LMBR1: variants seen among roughly 807,000 people sequenced by gnomAD.
LMBR1 encodes the protein limb development membrane protein 1, also known as limb region 1 protein homolog.
LMBR1 carries 52 observed loss-of-function variants against 73.9 expected under a neutral mutation model. That is an observed-to-expected ratio of 0.70 (90% confidence interval 0.56 to 0.89). The LOEUF is 0.89. Among genes scored for constraint, LMBR1 ranks in the 40% least tolerant of loss-of-function variants. The pLI is 0.00. For synonymous variants in LMBR1, 215 were observed against 209.4 expected, an observed-to-expected ratio of 1.03 and a Z score of -0.23; for missense variants, 539 against 579.8, an observed-to-expected ratio of 0.93 and a Z score of 0.72.
chr7:156,743,912 C>T (rs185989742), intron 9 of LMBR1, among the ~76,000 whole-genome samples: 4 of 152,218 alleles, frequency 2.6e-5, no homozygotes, highest in East Asian at 3.9e-4. Context: ...GATCTTGCTG[C>T]GACAGTTTTA....
intron 1 of LMBR1, among the ~76,000 whole-genome samples, chr7:156,860,098 T>C (rs538021492): frequency 1.3e-5 from 2 of 152,318 alleles, no homozygotes; most frequent in South Asian, 2.1e-4. Context: ...AATCAAGACA[T>C]AGACCCTATG....
At chr7:156,703,488 G>C (rs577639202) in intron 15 of LMBR1, among the ~76,000 whole-genome samples, 78 of 152,298 alleles carry the variant, frequency 5.1e-4, no homozygotes, top group African/African-American at 1.8e-3. Flanking sequence ...GGACTGACTA[G>C]ATACCTGGGT....
intron 15 of LMBR1, among the ~76,000 whole-genome samples, chr7:156,698,038 C>G (rs1478205396): frequency 6.6e-6 from 1 of 152,196 alleles, no homozygotes; most frequent in African/African-American, 2.4e-5. Flanking sequence ...TGGGTAAATA[C>G]AGCCATTCCA....
intron 15 of LMBR1, among the ~76,000 whole-genome samples, chr7:156,696,297 T>G (rs1410072225): frequency 1.3e-5 from 2 of 152,174 alleles, no homozygotes; most frequent in African/African-American, 4.8e-5. Context: ...GAAGAAATAT[T>G]TACACGTCAT....
At chr7:156,788,809 T>C (rs1585798181) in intron 5 of LMBR1, among the ~76,000 whole-genome samples, 2 of 152,064 alleles carry the variant, frequency 1.3e-5, no homozygotes, top group African/African-American at 2.4e-5. Flanking sequence ...GCACTTTGGG[T>C]GGCCAAGGCA....
At chr7:156,837,318 AGAGT>A (rs2133928463) in intron 1 of LMBR1, among the ~76,000 whole-genome samples, 1 of 150,364 alleles carries the variant, frequency 6.7e-6, no homozygotes, top group African/African-American at 2.4e-5. Context: ...CTGGGCAACA[AGAGT>A]GAGACTCCAT....
At chr7:156,688,538 A>G (rs991814956) in intron 15 of LMBR1, among the ~76,000 whole-genome samples, 3 of 151,994 alleles carry the variant, frequency 2.0e-5, no homozygotes, top group African/African-American at 7.3e-5. Context: ...CTCTACCGAG[A>G]CAGGACGGCT....
intron 9 of LMBR1, among the ~76,000 whole-genome samples, chr7:156,739,859 G>A (rs920500181): frequency 1.5e-4 from 23 of 152,014 alleles, no homozygotes; most frequent in Admixed American, 8.5e-4. Flanking sequence ...ATCCACAAGC[G>A]TCAAGACCAT....
At chr7:156,674,228 G>A (rs1055643257), downstream of LMBR1, among the ~76,000 whole-genome samples, 4 of 152,174 alleles carry the variant, frequency 2.6e-5, no homozygotes, top group African/African-American at 9.7e-5. Flanking sequence ...TGGGGCTCGG[G>A]AACTGTCTCC....
intron 4 of LMBR1, among the ~76,000 whole-genome samples, chr7:156,802,672 G>C (rs1433848719): frequency 6.6e-6 from 1 of 152,032 alleles, no homozygotes; most frequent in Non-Finnish European, 1.5e-5. Flanking sequence ...TTTGTCATGA[G>C]AATGCACCAA....
intron 9 of LMBR1, chr7:156,736,600 G>C: frequency 2.2e-6 from 1 of 456,880 alleles, no homozygotes; most frequent in South Asian, 1.5e-5. Flanking sequence ...TGGATTTCCC[G>C]CACAAAGCAT....
intron 4 of LMBR1, among the ~76,000 whole-genome samples, chr7:156,825,439 C>CA (rs1835505962): frequency 6.6e-6 from 1 of 152,100 alleles, no homozygotes. Flanking sequence ...AACATAATTA[C>CA]AAAATCTTAA....
intron 13 of LMBR1, 66 bp downstream of exon 13, chr7:156,725,698 T>C (rs2132390600): frequency 7.0e-7 from 1 of 1,434,884 alleles, no homozygotes; most frequent in South Asian, 1.2e-5. Flanking sequence ...AGTAAATAAC[T>C]ACTGCCCCAG....
At chr7:156,689,765 C>T (rs1412471924) in intron 15 of LMBR1, among the ~76,000 whole-genome samples, 3 of 152,118 alleles carry the variant, frequency 2.0e-5, no homozygotes, top group African/African-American at 7.2e-5. Flanking sequence ...GAGATGATGA[C>T]AACAATCTTG....
intron 15 of LMBR1, among the ~76,000 whole-genome samples, chr7:156,697,082 A>G (rs1290123153): frequency 6.6e-6 from 1 of 152,210 alleles, no homozygotes; most frequent in East Asian, 1.9e-4. Flanking sequence ...GAGGAATTTT[A>G]TAGCTGGGCC....
At position 156,680,403 on chromosome 7, in the gene LMBR1, A is replaced by AGAGAGAGAGAGAGAGTGTGTGTGTGTGT. The variant is rs1343950098; in HGVS notation, c.*3674_*3675insACACACACACACACTCTCTCTCTCTCTC. 19 of 125,168 alleles carry AGAGAGAGAGAGAGAGTGTGTGTGTGTGT rather than the reference A, an allele frequency of 1.5e-4. No homozygotes were observed. The highest frequency in any genetic ancestry group is 5.8e-4 in the African/African-American group (19 of 32,668). 7.8% of individuals were successfully genotyped at this position (125,168 alleles called of 1,614,324 possible). A position where few individuals can be genotyped will look rare whatever the true frequency, so the allele number is the denominator to read the frequency against. On this transcript the variant is annotated 3_prime_UTR_variant, in exon 17 of 17. Coordinates refer to ENST00000353442, the MANE Select transcript of LMBR1 (RefSeq NM_022458.4). ...GAGAGAGAGAGAGAGAGAGAGAGAGAGTGTGTGTGTGTGTGTGTGTGTAAT... is the reference window on the plus strand; with the variant it reads ...GAGAGAGAGAGAGAGAGAGAGAGAGAGAGAGAGAGAGAGAGTGTGTGTGTGTGTGTGTGTGTGTGTGTGTGTGTGTAAT...
At position 156,882,649 on chromosome 7, in the gene LMBR1, C is replaced by T. The variant is rs139850044; in HGVS notation, c.66+10279G>A. 1.7e-4 allele frequency among the ~76,000 whole-genome samples: 26 copies of T among 152,300 alleles called. No homozygotes were observed. In the South Asian group the frequency reaches 5.2e-3, roughly 30 times the overall value. ...AAATTGAAAGTTACTAATCAATGGG[C>T]ATAAAGCTTCAGTCAAGCAAAATGA... On this transcript the variant is annotated intron_variant, in intron 1 of 16. Coordinates refer to ENST00000353442, the MANE Select transcript of LMBR1 (RefSeq NM_022458.4).
At chr7:156,727,903 A>C (rs372254489) in intron 12 of LMBR1, 27 bp downstream of exon 12, 9 of 1,551,920 alleles carry the variant, frequency 5.8e-6, no homozygotes, top group African/African-American at 1.4e-5. Context: ...TTGCAAAAGA[A>C]AGACATTTTA....
intron 1 of LMBR1, among the ~76,000 whole-genome samples, chr7:156,856,705 C>T (rs1396879610): frequency 7.0e-6 from 1 of 143,276 alleles, no homozygotes; most frequent in Admixed American, 7.0e-5. Flanking sequence ...GACTCCATCT[C>T]AAACAAAAAA....
Sources: gnomAD v4.1 joint callset for allele counts (sites outside exome capture counted in the v4.1 genomes callset) on GRCh38, gnomAD v4.1.1 for gene constraint, MANE v1.5 for transcripts, NCBI Gene and HGNC (gene_info 2026-07-23, HGNC 2026-07-21) for gene names.